WDPCP: variants seen among roughly 807,000 people sequenced by gnomAD.
The protein encoded by WDPCP is WD repeat containing planar cell polarity effector, also known as WD repeat-containing and planar cell polarity effector protein fritz homolog.
In WDPCP, 71 loss-of-function variants were observed where a neutral mutation model predicts 93.1. The observed-to-expected ratio is 0.76, with a 90% confidence interval of 0.63 to 0.93. The LOEUF (loss-of-function observed/expected upper bound fraction) is 0.93, where lower values mean the gene tolerates loss of function less well. WDPCP is among the 40% of genes least tolerant of loss of function. The probability of loss-of-function intolerance (pLI) is 0.00; values close to 1 mark genes in which losing one functional copy is unlikely to be tolerated. For missense variants in WDPCP, 844 were observed against 887.4 expected (o/e 0.95, Z 0.62); for synonymous variants, 315 against 315.0 (o/e 1.00, Z 0.00).
At chr2:63,152,841 C>A in intron 17 of WDPCP, 73 bp downstream of exon 17, 2 of 1,454,518 alleles carry the variant, frequency 1.4e-6, no homozygotes, top group South Asian at 1.2e-5. Context: ...TTCTTGAGTT[C>A]AAAATAATCA....
At chr2:63,338,653 T>C (rs1298399198) in intron 12 of WDPCP, among the ~76,000 whole-genome samples, 7 of 145,242 alleles carry the variant, frequency 4.8e-5, no homozygotes, top group African/African-American at 1.7e-4. Context: ...CCCCATTATA[T>C]GTACTTGGTG....
chr2:63,694,782 C>T (rs1003532446), intron 2 of WDPCP, among the ~76,000 whole-genome samples: 2 of 152,102 alleles, frequency 1.3e-5, no homozygotes, highest in Admixed American at 6.6e-5. Flanking sequence ...TATAAGTTAA[C>T]ATTGTTGGAG....
chr2:63,777,556 A>G (rs1261489488), intron 2 of WDPCP, among the ~76,000 whole-genome samples: 1 of 152,254 alleles, frequency 6.6e-6, no homozygotes, highest in Non-Finnish European at 1.5e-5. Context: ...AAATTGTAGT[A>G]TATCCATAAA....
intron 6 of WDPCP, among the ~76,000 whole-genome samples, chr2:63,454,379 G>A (rs1392992634): frequency 1.3e-5 from 2 of 151,788 alleles, no homozygotes; most frequent in African/African-American, 4.8e-5. Flanking sequence ...GGGAGGGATA[G>A]CATTGGGAGA....
intron 2 of WDPCP, among the ~76,000 whole-genome samples, chr2:63,767,883 T>A (rs1670169508): frequency 6.6e-6 from 1 of 152,092 alleles, no homozygotes; most frequent in Non-Finnish European, 1.5e-5. Context: ...ATCTCTTTCA[T>A]ATGGTATCTA....
At chr2:63,218,027 G>A (rs1237883775) in intron 14 of WDPCP, among the ~76,000 whole-genome samples, 1 of 152,154 alleles carries the variant, frequency 6.6e-6, no homozygotes, top group Non-Finnish European at 1.5e-5. Flanking sequence ...CTAATTTACT[G>A]AGCAGTTATA....
chr2:63,828,796 A>G (rs1452092986), upstream of WDPCP, among the ~76,000 whole-genome samples: 1 of 152,106 alleles, frequency 6.6e-6, no homozygotes, highest in East Asian at 1.9e-4. Context: ...CTAATGTTTT[A>G]AACTCTTGCC....
chr2:63,149,046 T>G (rs999745153), intron 17 of WDPCP, among the ~76,000 whole-genome samples: 1 of 151,896 alleles, frequency 6.6e-6, no homozygotes, highest in Non-Finnish European at 1.5e-5. Flanking sequence ...TTTAATATAG[T>G]CAAAAATTTT....
At chr2:63,617,145 A>G (rs1192464733) in intron 3 of WDPCP, among the ~76,000 whole-genome samples, 10 of 152,172 alleles carry the variant, frequency 6.6e-5, no homozygotes, top group Admixed American at 6.5e-4. Flanking sequence ...TAAATTCCAC[A>G]TTGGCCATGC....
chr2:63,285,339 C>T (rs1442517687), intron 13 of WDPCP, among the ~76,000 whole-genome samples: 8 of 148,934 alleles, frequency 5.4e-5, no homozygotes, highest in East Asian at 2.0e-4. Context: ...GAGGCTGAGG[C>T]GGGAGAATGG....
intron 2 of WDPCP, among the ~76,000 whole-genome samples, chr2:63,790,588 G>C (rs1233344750): frequency 6.6e-6 from 1 of 152,174 alleles, no homozygotes; most frequent in Non-Finnish European, 1.5e-5. Context: ...TTCTGTTCAA[G>C]TCGTATAATA....
At chr2:63,192,018 T>G (rs1675086944) in intron 14 of WDPCP, among the ~76,000 whole-genome samples, 1 of 152,170 alleles carries the variant, frequency 6.6e-6, no homozygotes. Context: ...TTTAAAAAAT[T>G]TGCTCAGCCT....
At chr2:63,479,473 C>A (rs1700146242) in intron 6 of WDPCP, among the ~76,000 whole-genome samples, 1 of 152,034 alleles carries the variant, frequency 6.6e-6, no homozygotes, top group South Asian at 2.1e-4. Flanking sequence ...CAACACATCA[C>A]AAGATAATCC....
rs756717360 is a variant in WDPCP at position 63,595,474 on chromosome 2, G to A, written n.488+55185C>T. On this transcript the variant is annotated intron_variant and non_coding_transcript_variant, in intron 3 of 4. Transcript: ENST00000467687. ...CACCCCCATGATGGGTGTCCTGGACGGTGTCCTAATGGAACTGCAAGACTG... is the reference window on the plus strand; with the variant it reads ...CACCCCCATGATGGGTGTCCTGGACAGTGTCCTAATGGAACTGCAAGACTG... The A allele has an allele frequency of 6.2e-6, 10 of 1,613,412 alleles. No homozygotes were observed. The Admixed American group carries it at 8.3e-5, about 13-fold the overall frequency.
intron 1 of WDPCP, among the ~76,000 whole-genome samples, chr2:63,569,226 T>C (rs1707297985): frequency 1.3e-5 from 2 of 152,186 alleles, no homozygotes; most frequent in South Asian, 2.1e-4. Flanking sequence ...AAACCTTCTA[T>C]TTAGAATACA....
chr2:63,498,008 C>A (rs1199108536), intron 1 of WDPCP, among the ~76,000 whole-genome samples: 1 of 151,924 alleles, frequency 6.6e-6, no homozygotes, highest in Non-Finnish European at 1.5e-5. Flanking sequence ...TAACCCAATG[C>A]ACATGGCATA....
intron 2 of WDPCP, among the ~76,000 whole-genome samples, chr2:63,687,563 A>G (rs182406037): frequency 1.1e-3 from 171 of 152,306 alleles, no homozygotes; most frequent in South Asian, 0.011. Flanking sequence ...CATACAAACA[A>G]CAAACAGGCA....
At position 63,594,455 on chromosome 2, in the gene WDPCP, C is replaced by G. The variant is rs371816428; in HGVS notation, n.488+56204G>C. 15 of 1,433,814 alleles carry G rather than the reference C, an allele frequency of 1.0e-5. No homozygotes were observed. In the African/African-American group the frequency reaches 1.7e-4, roughly 16 times the overall value. The allele number at this position is 1,433,814 out of a possible 1,614,324, so 88.8% of individuals were successfully genotyped here. ...TGGATATTTTTAAGGTACAGTAGTACTTAAAGATGTTAATGGGTCTTTTTC... is the reference window on the plus strand; with the variant it reads ...TGGATATTTTTAAGGTACAGTAGTAGTTAAAGATGTTAATGGGTCTTTTTC... On this transcript the variant is annotated intron_variant and non_coding_transcript_variant, in intron 3 of 4. Coordinates refer to the WDPCP transcript ENST00000467687.
At chr2:63,473,025 A>C (rs1190629553) in intron 6 of WDPCP, among the ~76,000 whole-genome samples, 2 of 152,222 alleles carry the variant, frequency 1.3e-5, no homozygotes, top group Non-Finnish European at 2.9e-5. Context: ...TGAGATTTAC[A>C]GATGGAGAAT....
Sources: allele counts gnomAD v4.1 joint callset (sites outside exome capture counted in the v4.1 genomes callset), GRCh38; gene constraint gnomAD v4.1.1; transcripts MANE v1.5; gene names NCBI Gene and HGNC (gene_info 2026-07-23, HGNC 2026-07-21).